PCDHGB6: variants seen among roughly 807,000 people sequenced by gnomAD.
PCDHGB6 encodes the protein protocadherin gamma subfamily B, 6.
A neutral mutation model predicts 59.1 loss-of-function variants in PCDHGB6; 51 were observed. The ratio of observed to expected loss-of-function variants is 0.86; its 90% CI spans 0.69 to 1.09. The LOEUF is 1.09. Ranked by LOEUF, PCDHGB6 falls within the 50% of genes least tolerant of loss-of-function variation. The pLI is 0.00. For synonymous variants in PCDHGB6, 466 were observed against 495.1 expected, an observed-to-expected ratio of 0.94 and a Z score of 0.78; for missense variants, 1,148 against 1,205.1, an observed-to-expected ratio of 0.95 and a Z score of 0.70.
At chr5:141,482,755 T>TGA (rs1554165462) in intron 1 of PCDHGB6, among the ~76,000 whole-genome samples, 1 of 143,580 alleles carries the variant, frequency 7.0e-6, no homozygotes, top group Admixed American at 6.9e-5. Context: ...GGGATTATGG[T>TGA]ATTTCATTAT....
At chr5:141,419,051 T>A (rs1007349455) in intron 1 of PCDHGB6, 6 of 1,613,950 alleles carry the variant, frequency 3.7e-6, no homozygotes, top group East Asian at 2.2e-5. Context: ...TCATTCTTCT[T>A]CTAATAATTA....
intron 1 of PCDHGB6, chr5:141,415,642 A>T (rs1418546981): frequency 6.0e-6 from 5 of 831,836 alleles, no homozygotes; most frequent in Middle Eastern, 2.6e-4. Flanking sequence ...TACTTTTGTT[A>T]AAAAAAAAAA....
chr5:141,444,406 G>A (rs1296878411), intron 1 of PCDHGB6, among the ~76,000 whole-genome samples: 1 of 151,874 alleles, frequency 6.6e-6, no homozygotes, highest in Non-Finnish European at 1.5e-5. Context: ...CCCAACCTCA[G>A]GTGATCTTCC....
At position 141,486,543 on chromosome 5, in the gene PCDHGB6, A is replaced by G; in HGVS notation, c.2419-8264A>G. Reference sequence around the variant, plus strand: ...AATGATAATCCACCCTCTTTCTTTCAGAGGTCACATGAGGTGTTTGTTCCT... The same window carrying G: ...AATGATAATCCACCCTCTTTCTTTCGGAGGTCACATGAGGTGTTTGTTCCT... On this transcript the variant is annotated intron_variant, in intron 1 of 3. Transcript: ENST00000520790. This position sits in a 1 kb window ranked among gnomAD's most constrained non-coding sequence, Gnocchi z 5.0. 6.2e-7 allele frequency: 1 copy of G among 1,614,080 alleles called. No individual in the cohort carries two copies. Among genetic ancestry groups the G allele is most frequent in the Non-Finnish European group, 8.5e-7 (1 of 1,180,020 alleles).
rs762662380 is a variant in PCDHGB6, at chr5:141,419,561, G to A, written c.2418+8941G>A. 9 of 1,611,728 alleles carry A rather than the reference G, an allele frequency of 5.6e-6. No individual in the cohort carries two copies. The Admixed American group carries it at 1.2e-4, about 21-fold the overall frequency. The stretch of plus-strand genomic sequence containing the variant: ...ACCGCGGGTGCTGTACCCTGCGCTG[G>A]GTCCCGACGGCTCCGCGCTCTTCGA... On this transcript the variant is annotated intron_variant, in intron 1 of 3. Coordinates refer to ENST00000520790, the MANE Select transcript of PCDHGB6 (RefSeq NM_018926.3).
rs2099627530 is a variant in PCDHGB6, at chr5:141,486,292, T to C, written c.2419-8515T>C. On this transcript the variant is annotated intron_variant, in intron 1 of 3. Transcript: ENST00000520790. This position sits in a 1 kb window ranked among gnomAD's most constrained non-coding sequence, Gnocchi z 5.0. ...CTGGCACTGTGGTGGCACTTATCAGTGTGCAGGATCCAGACTCAGGGTCAA... is the reference window on the plus strand; with the variant it reads ...CTGGCACTGTGGTGGCACTTATCAGCGTGCAGGATCCAGACTCAGGGTCAA... 5 of 1,613,970 alleles carry C rather than the reference T, an allele frequency of 3.1e-6. No individual in the cohort carries two copies. The highest frequency in any genetic ancestry group is 4.2e-6 in the Non-Finnish European group (5 of 1,179,982).
chr5:141,418,273 A>C, intron 1 of PCDHGB6: 1 of 1,614,082 alleles, frequency 6.2e-7, no homozygotes, highest in South Asian at 1.1e-5. Context: ...AAGATGAAAT[A>C]AACTTAGAAA....
rs1043971768 is a variant in PCDHGB6 at position 141,410,295 on chromosome 5, T to C, written c.2093T>C (p.Leu698Ser). ...TTTTACCTGGTGGTGGCCTTGGCCT[T>C]AATCTCAGTGCTCTTCCTCCTCGCC... Reference protein sequence around the residue: ...LQFYLVVALALISVLFLLAVI... With the variant: ...LQFYLVVALASISVLFLLAVI... Residue 698 changes from leucine (L) to serine (S), a missense_variant, in exon 1 of 4, where the codon TTA (leucine) becomes TCA (serine). Coordinates refer to ENST00000520790, the MANE Select transcript of PCDHGB6 (RefSeq NM_018926.3). 1.2e-6 allele frequency: 2 copies of C among 1,613,982 alleles called. No individual in the cohort carries two copies. Among genetic ancestry groups the C allele is most frequent in the East Asian group, 2.2e-5 (1 of 44,850 alleles).
Position 141,511,159 on chromosome 5 carries a change from AAGG to A in PCDHGB6, c.2782_2784del (p.Glu928del), listed in dbSNP as rs1477173987. 3 of 1,614,186 alleles carry A rather than the reference AAGG, an allele frequency of 1.9e-6. No individual in the cohort carries two copies. The highest frequency in any genetic ancestry group is 2.2e-5 in the East Asian group (1 of 44,872). On this transcript the variant is annotated inframe_deletion, in exon 4 of 4. Coordinates refer to ENST00000520790, the MANE Select transcript of PCDHGB6 (RefSeq NM_018926.3). ...TGGCAACAAGAAGAAGTCGGGCAAG[AAGG>A]AGAAGAAGTAACATGGAGGCCAGGC... is the stretch of plus-strand genomic sequence containing the variant.
chr5:141,450,991 AT>A (rs1351194705), intron 1 of PCDHGB6, among the ~76,000 whole-genome samples: 2 of 150,700 alleles, frequency 1.3e-5, no homozygotes, highest in Non-Finnish European at 1.5e-5. Context: ...CACCCGGCTA[AT>A]TTTTTTGTAT....
At position 141,476,011 on chromosome 5, in the gene PCDHGB6, A is replaced by C. The variant is rs1415142555; in HGVS notation, c.2419-18796A>C. On this transcript the variant is annotated intron_variant, in intron 1 of 3. Coordinates refer to ENST00000520790, the MANE Select transcript of PCDHGB6 (RefSeq NM_018926.3). This position sits in a 1 kb window ranked among gnomAD's most constrained non-coding sequence, Gnocchi z 7.6. The stretch of plus-strand genomic sequence containing the variant: ...GCAAATCAACGGCATCCAGAAAGCC[A>C]TGTCGGACTCGGCGCCCAGCGCCCA... 2.3e-6 allele frequency: 3 copies of C among 1,311,164 alleles called. No homozygotes were observed. Among genetic ancestry groups the C allele is most frequent in the African/African-American group, 1.5e-5 (1 of 68,020 alleles). 81.2% of individuals were successfully genotyped at this position (1,311,164 alleles called of 1,614,324 possible).
At chr5:141,509,481 A>G (rs2099877035) in intron 3 of PCDHGB6, among the ~76,000 whole-genome samples, 1 of 152,010 alleles carries the variant, frequency 6.6e-6, no homozygotes, top group Admixed American at 6.6e-5. Flanking sequence ...TGAGGGGTAG[A>G]GGTGATGGCA....
At position 141,477,886 on chromosome 5, in the gene PCDHGB6, G is replaced by A. The variant is rs2099422999; in HGVS notation, c.2419-16921G>A. 2 of 1,614,188 alleles carry A rather than the reference G, an allele frequency of 1.2e-6. No homozygotes were observed. The highest frequency in any genetic ancestry group is 1.7e-6 in the Non-Finnish European group (2 of 1,180,040). ...GAGGTACCTCAGCTGGCCACCTAGT[G>A]TCACGGGTGGTAGGCTGGGACGCGG... On this transcript the variant is annotated intron_variant, in intron 1 of 3. Transcript: ENST00000520790. The surrounding 1 kb of genome is among the most constrained non-coding windows in gnomAD (Gnocchi z 4.9).
Position 141,505,473 on chromosome 5 carries a change from C to T in PCDHGB6, c.2558C>T (p.Ser853Phe). The change falls in exon 3 of 4, where the codon TCC (serine) becomes TTC (phenylalanine). Residue 853 changes from serine to phenylalanine, a missense_variant. Transcript: ENST00000520790. Reference sequence around the variant, plus strand: ...ATGCTGCAAGCCATGATCTTGGCGTCCGCCAGTGGTAAGTGGTGTCAGTGT... The same window carrying T: ...ATGCTGCAAGCCATGATCTTGGCGTTCGCCAGTGGTAAGTGGTGTCAGTGT... ...TEMLQAMILA[S>F]ASEAADGSST... is the part of the protein sequence containing the mutation. The T allele has an allele frequency of 6.2e-7, 1 of 1,614,188 alleles. No homozygotes were observed. Among genetic ancestry groups the T allele is most frequent in the Non-Finnish European group, 8.5e-7 (1 of 1,180,014 alleles).
chr5:141,428,186 C>CCGCTCTCTG, intron 1 of PCDHGB6: 2 of 1,460,956 alleles, frequency 1.4e-6, no homozygotes, highest in Non-Finnish European at 1.9e-6. Flanking sequence ...AGGACAGCCG[C>CCGCTCTCTG]CGCTCTCTGC....
Position 141,491,706 on chromosome 5 carries a change from G to T in PCDHGB6, c.2419-3101G>T. 6.2e-7 allele frequency: 1 copy of T among 1,611,088 alleles called. No individual in the cohort carries two copies. Among genetic ancestry groups the T allele is most frequent in the Non-Finnish European group, 8.5e-7 (1 of 1,178,772 alleles). On this transcript the variant is annotated intron_variant, in intron 1 of 3. Coordinates refer to ENST00000520790, the MANE Select transcript of PCDHGB6 (RefSeq NM_018926.3). The surrounding 1 kb of genome is among the most constrained non-coding windows in gnomAD (Gnocchi z 6.9). Reference sequence around the variant, plus strand: ...CGCTGCGGGAGCGGAGCCAGGTGAGGGGCTCGGCGCCGCCCCGGGCGACCC... The same window carrying T: ...CGCTGCGGGAGCGGAGCCAGGTGAGTGGCTCGGCGCCGCCCCGGGCGACCC...
chr5:141,429,387 T>TTAA (rs775632416), intron 1 of PCDHGB6, among the ~76,000 whole-genome samples: 1 of 151,334 alleles, frequency 6.6e-6, no homozygotes, highest in Non-Finnish European at 1.5e-5. Flanking sequence ...GTTTTTTTTT[T>TTAA]AAAAAAAATT....
At chr5:141,433,068 T>G (rs1296504554) in intron 1 of PCDHGB6, 1 of 1,613,900 alleles carries the variant, frequency 6.2e-7, no homozygotes, top group South Asian at 1.1e-5. Context: ...CACCTGATCT[T>G]CCCCCAGCCC....
intron 1 of PCDHGB6, among the ~76,000 whole-genome samples, chr5:141,482,857 A>T (rs2099573663): frequency 6.6e-6 from 1 of 152,140 alleles, no homozygotes; most frequent in Admixed American, 6.5e-5. Flanking sequence ...AGATCACTTG[A>T]GGTCAGGAGT....
Sources: gnomAD v4.1 joint callset for allele counts (sites outside exome capture counted in the v4.1 genomes callset) on GRCh38, gnomAD v4.1.1 for gene constraint, Gnocchi (gnomAD v3.1) non-coding constraint, MANE v1.5 for transcripts, NCBI Gene and HGNC (gene_info 2026-07-23, HGNC 2026-07-21) for gene names.